The following SLC35D4 variants were observed in gnomAD, a reference collection of about 807,000 sequenced individuals.
SLC35D4 encodes UDP-N-acetylglucosamine transporter SLC35D4.
At chr18:23,410,954 C>T in the SLC35D4 span, among the ~76,000 whole-genome samples, 2 of 152,060 alleles carry the variant, frequency 1.3e-5, no homozygotes, top group Non-Finnish European at 2.9e-5. Context: ...ACTAATGCAA[C>T]AATTCCCCAC....
chr18:23,317,183 C>CACA, the SLC35D4 span, among the ~76,000 whole-genome samples: 2 of 143,704 alleles, frequency 1.4e-5, no homozygotes, highest in African/African-American at 5.4e-5. Context: ...ACACACACAC[C>CACA]CCACTAATAT....
the SLC35D4 span, among the ~76,000 whole-genome samples, chr18:23,386,916 T>A: frequency 6.6e-6 from 1 of 152,110 alleles, no homozygotes. Context: ...TTGTTTTTCA[T>A]TTTTGTTTTT....
At chr18:23,284,856 C>T in the SLC35D4 span, among the ~76,000 whole-genome samples, 2 of 152,338 alleles carry the variant, frequency 1.3e-5, no homozygotes, top group East Asian at 3.9e-4. Flanking sequence ...TCTACTCAGC[C>T]TTTCCAAACC....
the SLC35D4 span, among the ~76,000 whole-genome samples, chr18:23,304,618 G>A: frequency 6.6e-6 from 1 of 151,868 alleles, no homozygotes; most frequent in Non-Finnish European, 1.5e-5. Flanking sequence ...GGATATAAAG[G>A]TTTCTTCTCT....
the SLC35D4 span, among the ~76,000 whole-genome samples, chr18:23,404,506 C>G: frequency 2.7e-5 from 4 of 148,830 alleles, no homozygotes; most frequent in East Asian, 2.0e-4. Context: ...AACCCCGTCT[C>G]TACTAAAAAT....
the SLC35D4 span, among the ~76,000 whole-genome samples, chr18:23,306,313 AT>A: frequency 1.0e-4 from 15 of 148,340 alleles, no homozygotes; most frequent in South Asian, 2.1e-4. Context: ...TCTTCTTCTT[AT>A]TTTTTTTTTG....
At chr18:23,385,583 A>G in the SLC35D4 span, among the ~76,000 whole-genome samples, 10 of 152,236 alleles carry the variant, frequency 6.6e-5, no homozygotes, top group African/African-American at 2.4e-4. Context: ...GAGCGGATCC[A>G]TCTTCTCCGG....
the SLC35D4 span, among the ~76,000 whole-genome samples, chr18:23,243,094 A>G: frequency 1.3e-5 from 2 of 151,222 alleles, no homozygotes; most frequent in African/African-American, 2.4e-5. Context: ...ATATAGAACT[A>G]TATATATATC....
chr18:23,290,471 G>C, the SLC35D4 span, among the ~76,000 whole-genome samples: 1 of 152,184 alleles, frequency 6.6e-6, no homozygotes, highest in African/African-American at 2.4e-5. Flanking sequence ...AGACTTCAGG[G>C]AGAACAAATA....
At chr18:23,403,531 T>C in the SLC35D4 span, among the ~76,000 whole-genome samples, 1 of 152,128 alleles carries the variant, frequency 6.6e-6, no homozygotes, top group Non-Finnish European at 1.5e-5. Context: ...GGAAGGCAAG[T>C]GTAGCTTGAG....
the SLC35D4 span, among the ~76,000 whole-genome samples, chr18:23,269,450 A>T: frequency 6.6e-6 from 1 of 152,372 alleles, no homozygotes; most frequent in Middle Eastern, 3.4e-3. Context: ...TTTCCTTTAT[A>T]AATTACCCAC....
chr18:23,282,171 G>A, the SLC35D4 span, among the ~76,000 whole-genome samples: 3 of 152,228 alleles, frequency 2.0e-5, no homozygotes, highest in African/African-American at 7.2e-5. Flanking sequence ...CAGACACTTT[G>A]CCTTTGCTAA....
the SLC35D4 span, among the ~76,000 whole-genome samples, chr18:23,274,227 C>G: frequency 9.4e-4 from 143 of 152,350 alleles, 3 homozygotes; most frequent in East Asian, 0.022. Context: ...TAAGCCACGG[C>G]TCCCAGCCCT....
the SLC35D4 span, among the ~76,000 whole-genome samples, chr18:23,402,020 C>T: frequency 2.6e-5 from 4 of 152,176 alleles, no homozygotes; most frequent in Admixed American, 6.6e-5. Context: ...CACAGGACCC[C>T]GGTGCTTGTG....
At chr18:23,300,205 C>T in the SLC35D4 span, among the ~76,000 whole-genome samples, 100 of 152,268 alleles carry the variant, frequency 6.6e-4, no homozygotes, top group African/African-American at 2.3e-3. Flanking sequence ...TCTTTTTGCA[C>T]GCAGGCTCAC....
the SLC35D4 span, among the ~76,000 whole-genome samples, chr18:23,262,472 T>C: frequency 4.6e-5 from 7 of 152,226 alleles, no homozygotes; most frequent in South Asian, 1.4e-3. Flanking sequence ...CTTGGGGACA[T>C]CACAAATGGG....
chr18:23,425,153 T>C, the SLC35D4 span, among the ~76,000 whole-genome samples: 1 of 152,164 alleles, frequency 6.6e-6, no homozygotes, highest in Non-Finnish European at 1.5e-5. Context: ...CAGATTGGAG[T>C]GCAGTGGCAT....
chr18:23,373,716 G>A, the SLC35D4 span: 1 of 1,613,744 alleles, frequency 6.2e-7, no homozygotes. Context: ...ACTTACCTGG[G>A]AGTCATTGAA....
the SLC35D4 span, among the ~76,000 whole-genome samples, chr18:23,327,079 G>C: frequency 6.6e-6 from 1 of 152,128 alleles, no homozygotes; most frequent in Non-Finnish European, 1.5e-5. Context: ...AGCACTAAAT[G>C]CCCACAAGAG....
Sources: allele counts gnomAD v4.1 joint callset (sites outside exome capture counted in the v4.1 genomes callset), GRCh38; gene constraint gnomAD v4.1.1; transcripts MANE v1.5; gene names NCBI Gene and HGNC (gene_info 2026-07-23, HGNC 2026-07-21).